CLMP: variants seen among roughly 807,000 people sequenced by gnomAD.
The protein encoded by CLMP is CXADR-like membrane protein.
Under a neutral mutation model 45.2 loss-of-function variants are expected in CLMP, and 27 were observed. The ratio of observed to expected loss-of-function variants is 0.60; its 90% CI spans 0.44 to 0.82. The LOEUF (loss-of-function observed/expected upper bound fraction) is 0.82, where lower values mean the gene tolerates loss of function less well. CLMP is among the 40% of genes least tolerant of loss of function. CLMP has a pLI of 0.00. For synonymous variants in CLMP, 167 were observed against 171.4 expected (o/e 0.97, Z 0.20); for missense variants, 403 against 448.4 (o/e 0.90, Z 0.91).
intron 1 of CLMP, among the ~76,000 whole-genome samples, chr11:123,113,963 CA>C (rs1860682277): frequency 6.6e-6 from 1 of 152,178 alleles, no homozygotes; most frequent in Non-Finnish European, 1.5e-5. Flanking sequence ...TGCCAGTACA[CA>C]GATCAGGCAA....
At chr11:123,075,724 C>A (rs1865731715) in intron 5 of CLMP, among the ~76,000 whole-genome samples, 1 of 152,090 alleles carries the variant, frequency 6.6e-6, no homozygotes, top group Admixed American at 6.6e-5. Context: ...TGGGTGGGTT[C>A]AGATGGTAAA....
chr11:123,105,877 C>T (rs957993491), intron 1 of CLMP, among the ~76,000 whole-genome samples: 8 of 150,984 alleles, frequency 5.3e-5, no homozygotes, highest in South Asian at 2.1e-4. Flanking sequence ...AGTACAGTAG[C>T]GCAATCTCAG....
At chr11:123,179,612 A>G (rs112788888) in intron 1 of CLMP, among the ~76,000 whole-genome samples, 21 of 152,356 alleles carry the variant, frequency 1.4e-4, no homozygotes, top group African/African-American at 4.8e-4. Context: ...CAAAACAAGA[A>G]CTGTTGTGCC....
At chr11:123,088,286 A>AAT (rs1321475021) in intron 2 of CLMP, among the ~76,000 whole-genome samples, 2 of 152,164 alleles carry the variant, frequency 1.3e-5, no homozygotes, top group Non-Finnish European at 2.9e-5. Flanking sequence ...AAAAGAAGGA[A>AAT]ATGCGTTCAC....
At chr11:123,097,082 G>A (rs1379310698) in intron 2 of CLMP, among the ~76,000 whole-genome samples, 7 of 151,872 alleles carry the variant, frequency 4.6e-5, no homozygotes, top group Admixed American at 4.6e-4. Flanking sequence ...GAACTCCTGG[G>A]CTCAAGCAGT....
intron 1 of CLMP, among the ~76,000 whole-genome samples, chr11:123,139,136 T>C (rs1383154155): frequency 1.3e-5 from 2 of 152,094 alleles, no homozygotes; most frequent in African/African-American, 4.8e-5. Flanking sequence ...CATTGAGTAT[T>C]TGTGACTGAA....
Position 123,084,728 on chromosome 11 carries a change from G to A in CLMP, c.187-15C>T, listed in dbSNP as rs765488751. ...TAAGTGATCACCTGTGGGATAGACC[G>A]AGGCAGAGTCAAGCAGCGTAACTCT... On this transcript the variant is annotated splice_polypyrimidine_tract_variant and intron_variant, in intron 2 of 6. Coordinates refer to ENST00000448775, the MANE Select transcript of CLMP (RefSeq NM_024769.5). 7 of 1,610,798 alleles carry A rather than the reference G, an allele frequency of 4.3e-6. No individual in the cohort carries two copies. Among genetic ancestry groups the A allele is most frequent in the African/African-American group, 4.0e-5 (3 of 74,850 alleles).
At chr11:123,079,402 A>T (rs1460906329) in intron 5 of CLMP, among the ~76,000 whole-genome samples, 4 of 151,752 alleles carry the variant, frequency 2.6e-5, no homozygotes, top group Non-Finnish European at 5.9e-5. Flanking sequence ...ATTCATGTTT[A>T]TTCACCATTT....
intron 2 of CLMP, among the ~76,000 whole-genome samples, chr11:123,085,770 T>C (rs1053026274): frequency 2.7e-5 from 2 of 73,114 alleles, no homozygotes; most frequent in East Asian, 1.4e-3. Context: ...ATTTTTTATG[T>C]TTTTTTTTTT....
chr11:123,150,112 G>C (rs377433915), intron 1 of CLMP, among the ~76,000 whole-genome samples: 1 of 151,364 alleles, frequency 6.6e-6, no homozygotes. Context: ...GACTCTGAAA[G>C]GTTTCTCAGA....
chr11:123,150,429 AAG>A (rs1861298617), intron 1 of CLMP, among the ~76,000 whole-genome samples: 1 of 41,210 alleles, frequency 2.4e-5, no homozygotes, highest in South Asian at 1.1e-3. Context: ...GAAAGAAAGA[AAG>A]AAAGAAAGAA....
At chr11:123,123,268 T>TTC (rs1860844174) in intron 1 of CLMP, among the ~76,000 whole-genome samples, 1 of 148,304 alleles carries the variant, frequency 6.7e-6, no homozygotes, top group Admixed American at 6.7e-5. Flanking sequence ...CCTTTTTTTT[T>TTC]TTTTTTTTTA....
intron 6 of CLMP, 148 bp from the exon 7 acceptor site, chr11:123,073,922 C>G: frequency 1.4e-6 from 1 of 736,268 alleles, no homozygotes; most frequent in South Asian, 1.9e-5. Flanking sequence ...TTCCTCGTAT[C>G]TTAAGACTTA....
intron 1 of CLMP, among the ~76,000 whole-genome samples, chr11:123,173,771 C>T (rs567323936): frequency 6.6e-6 from 1 of 152,224 alleles, no homozygotes; most frequent in Admixed American, 6.5e-5. Flanking sequence ...CGCACTCCTT[C>T]ACCACATCAA....
At chr11:123,078,433 G>A (rs1865764447) in intron 5 of CLMP, among the ~76,000 whole-genome samples, 1 of 152,068 alleles carries the variant, frequency 6.6e-6, no homozygotes, top group South Asian at 2.1e-4. Flanking sequence ...TTATGGAGAG[G>A]TAGCAGGAGT....
At chr11:123,130,111 AGATGGT>A (rs1338393332) in intron 1 of CLMP, among the ~76,000 whole-genome samples, 1 of 152,204 alleles carries the variant, frequency 6.6e-6, no homozygotes, top group Non-Finnish European at 1.5e-5. Flanking sequence ...ATAGGAATGC[AGATGGT>A]GAGAAAGAGT....
intron 1 of CLMP, among the ~76,000 whole-genome samples, chr11:123,180,892 G>A (rs1364484939): frequency 6.6e-6 from 1 of 152,174 alleles, no homozygotes; most frequent in African/African-American, 2.4e-5. Context: ...GACTGTGTGG[G>A]AAGCTGGATG....
chr11:123,188,313 G>A (rs61904435), intron 1 of CLMP, among the ~76,000 whole-genome samples: 83,613 of 151,920 alleles, frequency 0.55, 24,885 homozygotes, highest in South Asian at 0.74. Flanking sequence ...AGCTGCTCCC[G>A]CCATCCGTGA....
intron 1 of CLMP, among the ~76,000 whole-genome samples, chr11:123,137,784 C>T (rs1392582912): frequency 6.6e-6 from 1 of 152,112 alleles, no homozygotes; most frequent in Non-Finnish European, 1.5e-5. Flanking sequence ...TTCTGAGTGG[C>T]GGAAGGCGCC....
Sources: allele counts gnomAD v4.1 joint callset (sites outside exome capture counted in the v4.1 genomes callset), GRCh38; gene constraint gnomAD v4.1.1; transcripts MANE v1.5; gene names NCBI Gene and HGNC (gene_info 2026-07-23, HGNC 2026-07-21).